Variants in TTL observed in about 807,000 individuals in gnomAD.
TTL encodes tubulin tyrosine ligase.
A neutral mutation model predicts 41.1 loss-of-function variants in TTL; 10 were observed. The observed-to-expected ratio is 0.24, with a 90% confidence interval of 0.15 to 0.41. The LOEUF (loss-of-function observed/expected upper bound fraction) is 0.41. Among genes scored for constraint, TTL ranks in the 10% least tolerant of loss-of-function variants. The probability of loss-of-function intolerance (pLI) is 1.00; values close to 1 mark genes in which losing one functional copy is unlikely to be tolerated. For synonymous variants in TTL, 175 were observed against 175.5 expected, an observed-to-expected ratio of 1.00 and a Z score of 0.02; for missense variants, 367 against 460.4, an observed-to-expected ratio of 0.80 and a Z score of 1.86.
At position 112,509,081 on chromosome 2, in the gene TTL, G is replaced by A. The variant is rs913378556; in HGVS notation, c.875+5900G>A. 5.9e-5 allele frequency among the ~76,000 whole-genome samples: 7 copies of A among 117,822 alleles called. 1 individual carries two copies. Among genetic ancestry groups the A allele is most frequent in the African/African-American group, 2.4e-4 (7 of 29,042 alleles). 77.3% of individuals were successfully genotyped at this position (117,822 alleles called of 152,430 possible). ...CTGTTGGAATACCCTGCTGTGTGAG[G>A]TGTCAGTGTGCCCCTGCTTGGGGGT... On this transcript the variant is annotated intron_variant, in intron 5 of 6. Transcript: ENST00000233336.
At chr2:112,501,560 T>C (rs921139189) in intron 4 of TTL, among the ~76,000 whole-genome samples, 2 of 152,050 alleles carry the variant, frequency 1.3e-5, no homozygotes, top group Non-Finnish European at 2.9e-5. Context: ...ATTATGGATT[T>C]TCTTTTTTAA....
In TTL at chr2:112,533,873, T is replaced by C. The variant is rs1348830998; in HGVS notation, c.*5078T>C. On this transcript the variant is annotated 3_prime_UTR_variant, in exon 7 of 7. Transcript: ENST00000233336. ...GAAAATGAACCCCTCTCCAATGCAA[T>C]ACATAGTAGCAGAACTTGAAGATTG... 1 of 152,194 alleles carries C rather than the reference T, an allele frequency of 6.6e-6. No individual in the cohort carries two copies. The highest frequency in any genetic ancestry group is 1.5e-5 in the Non-Finnish European group (1 of 68,042). The allele number at this position is 152,194 out of a possible 1,614,324, so 9.4% of individuals were successfully genotyped here.
At position 112,531,467 on chromosome 2, in the gene TTL, A is replaced by C. The variant is rs1316269116; in HGVS notation, c.*2672A>C. On this transcript the variant is annotated 3_prime_UTR_variant, in exon 7 of 7. Transcript: ENST00000233336. Reference sequence around the variant, plus strand: ...TTTGATGAGGACAAGTGACAGTAGGAAGATGCAAGAGCCTTTAGTACCAAG... The same window carrying C: ...TTTGATGAGGACAAGTGACAGTAGGCAGATGCAAGAGCCTTTAGTACCAAG... The C allele has an allele frequency of 8.7e-6, 2 of 229,538 alleles. No homozygotes were observed. 14.2% of individuals were successfully genotyped at this position (229,538 alleles called of 1,614,324 possible). A position where few individuals can be genotyped will look rare whatever the true frequency, so the allele number is the denominator to read the frequency against.
intron 1 of TTL, among the ~76,000 whole-genome samples, chr2:112,484,966 T>C (rs772238073): frequency 3.3e-5 from 5 of 152,354 alleles, no homozygotes; most frequent in Non-Finnish European, 4.4e-5. Flanking sequence ...TATTTTATTT[T>C]TGAGATGAAG....
In TTL at chr2:112,532,354, T is replaced by C. The variant is rs922025917; in HGVS notation, c.*3559T>C. On this transcript the variant is annotated 3_prime_UTR_variant, in exon 7 of 7. Transcript: ENST00000233336. ...GAAATGACTGCTGAAATAAGGCGAT[T>C]GTATGAATATTTAAAATGCCTGGAA... is the stretch of plus-strand genomic sequence containing the variant. 4.4e-6 allele frequency: 1 copy of C among 227,266 alleles called. No homozygotes were observed. Among genetic ancestry groups the C allele is most frequent in the African/African-American group, 2.2e-5 (1 of 44,964 alleles). The allele number at this position is 227,266 out of a possible 1,614,324, so 14.1% of individuals were successfully genotyped here.
In TTL at chr2:112,541,129, T is replaced by C. The variant is rs757155694; in HGVS notation, c.*12334T>C. The C allele has an allele frequency of 5.3e-5, 8 of 152,158 alleles. No homozygotes were observed. The highest frequency in any genetic ancestry group is 9.7e-5 in the African/African-American group (4 of 41,430). 9.4% of individuals were successfully genotyped at this position (152,158 alleles called of 1,614,324 possible). A position where few individuals can be genotyped will look rare whatever the true frequency, so the allele number is the denominator to read the frequency against. Reference sequence around the variant, plus strand: ...ATACCTCATAAATATGCTAATTATGTACCCATAAATTTTTTTTTAAATCCT... The same window carrying C: ...ATACCTCATAAATATGCTAATTATGCACCCATAAATTTTTTTTTAAATCCT... On this transcript the variant is annotated 3_prime_UTR_variant, in exon 7 of 7. Transcript: ENST00000233336.
At chr2:112,487,898 G>A (rs991313019) in intron 2 of TTL, among the ~76,000 whole-genome samples, 1 of 152,206 alleles carries the variant, frequency 6.6e-6, no homozygotes, top group Non-Finnish European at 1.5e-5. Flanking sequence ...GCTCCAGAGA[G>A]TTAGAAATAA....
At position 112,528,689 on chromosome 2, in the gene TTL, A is replaced by G. The variant is rs1682428105; in HGVS notation, c.1028A>G (p.Tyr343Cys). The change falls in exon 7 of 7, where the codon TAT becomes TGT. Residue 343 changes from tyrosine to cysteine, a missense_variant. Physicochemically the swap from Tyr to Cys is radical, Grantham distance 194. Coordinates refer to ENST00000233336, the MANE Select transcript of TTL (RefSeq NM_153712.5). ...TTAAAAACACATTTCAGGAAGCTCT[A>G]TGCAGAACTGTGCCAAGGCATCGTG... ...NGAPACAQKL[Y>C]AELCQGIVDI... 1.2e-6 allele frequency: 2 copies of G among 1,613,506 alleles called. No individual in the cohort carries two copies. The highest frequency in any genetic ancestry group is 1.7e-5 in the Admixed American group (1 of 59,998).
chr2:112,512,250 C>A (rs1681940944), intron 5 of TTL, among the ~76,000 whole-genome samples: 1 of 151,630 alleles, frequency 6.6e-6, no homozygotes, highest in African/African-American at 2.4e-5. Flanking sequence ...TGCCACCACG[C>A]TCAGCTAATT....
At chr2:112,495,863 C>A (rs1681509927) in intron 3 of TTL, among the ~76,000 whole-genome samples, 1 of 152,024 alleles carries the variant, frequency 6.6e-6, no homozygotes, top group African/African-American at 2.4e-5. Context: ...AAAACCATTC[C>A]ATTTTGAACT....
chr2:112,495,120 G>A (rs375367334), intron 3 of TTL, among the ~76,000 whole-genome samples: 1 of 152,266 alleles, frequency 6.6e-6, no homozygotes, highest in East Asian at 1.9e-4. Flanking sequence ...TAGACACAAA[G>A]ACTGCCTAGT....
At chr2:112,527,997 A>G (rs963887199) in intron 6 of TTL, among the ~76,000 whole-genome samples, 3 of 152,150 alleles carry the variant, frequency 2.0e-5, no homozygotes, top group African/African-American at 7.2e-5. Flanking sequence ...AGCTCTTGTA[A>G]GGCAGGCCTG....
At chr2:112,501,824 C>G (rs191066274) in intron 4 of TTL, among the ~76,000 whole-genome samples, 6 of 149,746 alleles carry the variant, frequency 4.0e-5, no homozygotes, top group African/African-American at 1.5e-4. Flanking sequence ...TGAGATTGCA[C>G]CATTGCACTC....
chr2:112,518,513 A>T (rs898380726), intron 5 of TTL, among the ~76,000 whole-genome samples: 1 of 152,016 alleles, frequency 6.6e-6, no homozygotes, highest in Non-Finnish European at 1.5e-5. Flanking sequence ...AAAGAAAAGG[A>T]GATTGAAGTT....
chr2:112,523,737 C>G (rs540224269), intron 6 of TTL, among the ~76,000 whole-genome samples: 2 of 151,500 alleles, frequency 1.3e-5, no homozygotes, highest in Non-Finnish European at 2.9e-5. Flanking sequence ...CGTGCAAAGG[C>G]TTCTGAAGCA....
At chr2:112,499,110 C>T (rs539379091) in intron 3 of TTL, among the ~76,000 whole-genome samples, 88 of 152,218 alleles carry the variant, frequency 5.8e-4, no homozygotes, top group Non-Finnish European at 1.0e-3. Context: ...GTCAGGAGTT[C>T]GAGACAAGCC....
chr2:112,482,219 T>G lies in TTL; in HGVS notation c.-126T>G, dbSNP rs1468066487. ...CGCCGCCGGCACCCGAGAGGCGCGG[T>G]AGCCGGCGCGGGCGGCGGGGGCCGG... On this transcript the variant is annotated 5_prime_UTR_variant, in exon 1 of 7. Transcript: ENST00000233336. This position sits in a 1 kb window ranked among gnomAD's most constrained non-coding sequence, Gnocchi z 5.3. The G allele has an allele frequency of 1.5e-5, 9 of 588,598 alleles. No individual in the cohort carries two copies. Among genetic ancestry groups the G allele is most frequent in the South Asian group, 7.7e-5 (1 of 12,966 alleles). 36.5% of individuals were successfully genotyped at this position (588,598 alleles called of 1,614,324 possible).
At chr2:112,520,164 T>A (rs554705094) in intron 5 of TTL, 118 bp from the exon 6 acceptor site, 92 of 1,124,982 alleles carry the variant, frequency 8.2e-5, no homozygotes, top group Middle Eastern at 7.1e-4. Flanking sequence ...AACAGAGAAT[T>A]AAAGCTGATA....
At position 112,524,354 on chromosome 2, in the gene TTL, G is replaced by A. The variant is rs190133998; in HGVS notation, c.1019+3929G>A. ...CAAATGGTATTTCTAGTTCTAGATC[G>A]TTGAGGAATCGCCACACTGTCTTCT... On this transcript the variant is annotated intron_variant, in intron 6 of 6. Transcript: ENST00000233336. 9.2e-5 allele frequency among the ~76,000 whole-genome samples: 14 copies of A among 152,214 alleles called. No individual in the cohort carries two copies. In the East Asian group the frequency reaches 9.6e-4, roughly 10 times the overall value.
Sources: allele counts gnomAD v4.1 joint callset (sites outside exome capture counted in the v4.1 genomes callset), GRCh38; gene constraint gnomAD v4.1.1; non-coding constraint Gnocchi (gnomAD v3.1); transcripts MANE v1.5; gene names NCBI Gene and HGNC (gene_info 2026-07-23, HGNC 2026-07-21).